Variants in TDO2 observed in about 807,000 individuals in gnomAD.
TDO2 encodes the protein tryptophan 2,3-dioxygenase, also known as tryptamin 2,3-dioxygenase.
TDO2 carries 63 observed loss-of-function variants against 61.2 expected under a neutral mutation model. That is an observed-to-expected ratio of 1.03 (90% CI 0.84 to 1.27). The LOEUF (loss-of-function observed/expected upper bound fraction) is 1.27. TDO2 is among the 50% of genes most tolerant of loss of function. The pLI is 0.00. For missense variants in TDO2, 494 were observed against 469.5 expected (o/e 1.05, Z -0.48); for synonymous variants, 183 against 164.0 (o/e 1.12, Z -0.89).
chr4:155,918,426 C>T (rs1387621136), intron 11 of TDO2, among the ~76,000 whole-genome samples, 187 bp downstream of exon 11: 1 of 152,152 alleles, frequency 6.6e-6, no homozygotes, highest in Admixed American at 6.5e-5. Flanking sequence ...TAATTATGAA[C>T]TTTCACTGTT....
At position 155,915,536 on chromosome 4, in the gene TDO2, T is replaced by C. The variant is rs2110881531; in HGVS notation, c.839-319T>C. Among the ~76,000 whole-genome samples, 2 of 152,322 alleles carry C rather than the reference T, an allele frequency of 1.3e-5. 1 individual carries two copies. The highest frequency in any genetic ancestry group is 4.1e-4 in the South Asian group (2 of 4,828). ...ACTTTTTTGAAATGAAAGACACATATTCTTTTACTCGGAAAATGAATTTTA... is the reference window on the plus strand; with the variant it reads ...ACTTTTTTGAAATGAAAGACACATACTCTTTTACTCGGAAAATGAATTTTA... On this transcript the variant is annotated intron_variant, in intron 8 of 11. Coordinates refer to ENST00000536354, the MANE Select transcript of TDO2 (RefSeq NM_005651.4).
chr4:155,917,537 G>A, intron 10 of TDO2, 63 bp downstream of exon 10: 1 of 1,382,382 alleles, frequency 7.2e-7, no homozygotes, highest in Non-Finnish European at 1.0e-6. Context: ...TCTTTATCTT[G>A]GTCTTCTGTG....
Position 155,904,027 on chromosome 4 carries a change from T to C in TDO2, c.45T>C (p.Phe15=), listed in dbSNP as rs909472691. The change falls in exon 2 of 12, where the codon TTT becomes TTC. Residue 15 remains phenylalanine (F), a synonymous_variant. Coordinates refer to ENST00000536354, the MANE Select transcript of TDO2 (RefSeq NM_005651.4). ...PFLGNNFGYT[F]KKLPVEGSEE... ...TTTATTAAATTTGCAGATATACTTT[T>C]AAAAAACTCCCCGTAGAAGGCAGCG... 1.1e-5 allele frequency: 18 copies of C among 1,613,746 alleles called. No individual in the cohort carries two copies. The highest frequency in any genetic ancestry group is 1.6e-4 in the Middle Eastern group (1 of 6,080).
At chr4:155,913,492 C>T (rs1221081629) in intron 7 of TDO2, among the ~76,000 whole-genome samples, 1 of 152,058 alleles carries the variant, frequency 6.6e-6, no homozygotes, top group Non-Finnish European at 1.5e-5. Flanking sequence ...CTCCTTATTA[C>T]TTTAAGTTAT....
chr4:155,910,265 CTTTT>C, intron 6 of TDO2, 54 bp downstream of exon 6: 1 of 1,400,446 alleles, frequency 7.1e-7, no homozygotes, highest in Non-Finnish European at 9.5e-7. Context: ...CTTAATTTAG[CTTTT>C]GCTAAATCAG....
In TDO2 at chr4:155,904,074, G is replaced by A. The variant is rs768279926; in HGVS notation, c.92G>A (p.Gly31Asp). 1.2e-6 allele frequency: 2 copies of A among 1,614,046 alleles called. No homozygotes were observed. Among genetic ancestry groups the A allele is most frequent in the South Asian group, 2.2e-5 (2 of 91,076 alleles). Reference sequence around the variant, plus strand: ...AGCGAAGAAGACAAATCACAAACTGGTGTGAATAGAGCCAGCAAAGGAGGT... The same window carrying A: ...AGCGAAGAAGACAAATCACAAACTGATGTGAATAGAGCCAGCAAAGGAGGT... Reference protein sequence around the residue: ...EGSEEDKSQTGVNRASKGGLI... With the variant: ...EGSEEDKSQTDVNRASKGGLI... The change falls in exon 2 of 12, where the codon GGT becomes GAT. Residue 31 changes from glycine (G) to aspartate (D), a missense_variant. Gly to Asp is a moderately conservative substitution (Grantham distance 94). Coordinates refer to ENST00000536354, the MANE Select transcript of TDO2 (RefSeq NM_005651.4).
At chr4:155,907,620 A>AC in intron 3 of TDO2, 102 bp from the exon 4 acceptor site, 1 of 736,126 alleles carries the variant, frequency 1.4e-6, no homozygotes, top group Non-Finnish European at 2.3e-6. Flanking sequence ...TTTTAAGGTA[A>AC]CATTTTAATT....
At chr4:155,907,936 G>A in intron 4 of TDO2, 144 bp downstream of exon 4, 1 of 599,402 alleles carries the variant, frequency 1.7e-6, no homozygotes, top group East Asian at 3.0e-5. Context: ...AATGAATGAG[G>A]AGTTCAGTCA....
rs1742769448 is a variant in TDO2 at position 155,908,990 on chromosome 4, C to T, written c.407C>T (p.Thr136Ile). The T allele has an allele frequency of 6.8e-6, 11 of 1,611,732 alleles. No individual in the cohort carries two copies. Among genetic ancestry groups the T allele is most frequent in the Non-Finnish European group, 9.3e-6 (11 of 1,179,336 alleles). The change falls in exon 5 of 12, where the codon ACA becomes ATA. Residue 136 changes from threonine to isoleucine, a missense_variant. Coordinates refer to ENST00000536354, the MANE Select transcript of TDO2 (RefSeq NM_005651.4). The stretch of plus-strand genomic sequence containing the variant: ...CAGTTTTCCATTCTGGAGACGATGA[C>T]AGCCTTGGACTTCAATGACTTCAGG... Reference protein sequence around the residue: ...VQQFSILETMTALDFNDFREY... With the variant: ...VQQFSILETMIALDFNDFREY...
chr4:155,907,601 A>T (rs1742740748), intron 3 of TDO2, 121 bp from the exon 4 acceptor site: 1 of 658,964 alleles, frequency 1.5e-6, no homozygotes, highest in Non-Finnish European at 2.7e-6. Context: ...CTATATTTAC[A>T]TTTATTGATT....
chr4:155,916,981 C>CAAAA (rs781693775), intron 9 of TDO2, among the ~76,000 whole-genome samples: 1 of 146,954 alleles, frequency 6.8e-6, no homozygotes, highest in African/African-American at 2.5e-5. Flanking sequence ...AAAACAACAA[C>CAAAA]AAAAAAAACA....
In TDO2 at chr4:155,911,558, A is replaced by G. The variant is rs778624796; in HGVS notation, c.680A>G (p.Glu227Gly). 3.7e-6 allele frequency: 6 copies of G among 1,602,386 alleles called. No individual in the cohort carries two copies. The East Asian group carries it at 9.1e-5, about 24-fold the overall frequency. ...PHGFNFWGKL[E>G]KNITRGLEEE... is the part of the protein sequence containing the mutation. Reference sequence around the variant, plus strand: ...GGATTTAACTTCTGGGGAAAGCTTGAAAAAAATATCACCAGAGGCCTGGAA... The same window carrying G: ...GGATTTAACTTCTGGGGAAAGCTTGGAAAAAATATCACCAGAGGCCTGGAA... The change falls in exon 7 of 12, where the codon GAA (glutamate) becomes GGA (glycine). Residue 227 changes from glutamate to glycine, a missense_variant. Transcript: ENST00000536354.
intron 9 of TDO2, 43 bp downstream of exon 9, chr4:155,915,955 T>A: frequency 6.6e-7 from 1 of 1,519,810 alleles, no homozygotes; most frequent in Non-Finnish European, 9.0e-7. Context: ...AATTGAGGGG[T>A]GGATATGGAT....
intron 5 of TDO2, 113 bp from the exon 6 acceptor site, chr4:155,909,892 TCCCCTCCCCTCTCCCCTCCC>T (rs2110871407): frequency 2.3e-4 from 1 of 4,276 alleles, no homozygotes; most frequent in Non-Finnish European, 4.4e-4. Context: ...TCCCCTCCCC[TCCCCTCCCCTCTCCCCTCCC>T]CTCCCCTCCC....
At chr4:155,907,572 T>G in intron 3 of TDO2, 150 bp from the exon 4 acceptor site, 1 of 576,680 alleles carries the variant, frequency 1.7e-6, no homozygotes, top group Non-Finnish European at 3.1e-6. Flanking sequence ...CTAACATTTA[T>G]TTCTGGCACA....
At chr4:155,912,744 A>G (rs767526130) in intron 7 of TDO2, among the ~76,000 whole-genome samples, 3 of 152,100 alleles carry the variant, frequency 2.0e-5, no homozygotes, top group Non-Finnish European at 4.4e-5. Context: ...ATTCTCAAAC[A>G]TTTATCTCTG....
At chr4:155,916,537 C>G (rs920060251) in intron 9 of TDO2, among the ~76,000 whole-genome samples, 1 of 151,820 alleles carries the variant, frequency 6.6e-6, no homozygotes. Flanking sequence ...TATCATTAAA[C>G]AATGCTCTAA....
chr4:155,913,770 T>C (rs1042777259), intron 7 of TDO2, among the ~76,000 whole-genome samples: 1 of 152,114 alleles, frequency 6.6e-6, no homozygotes, highest in Non-Finnish European at 1.5e-5. Flanking sequence ...GCTCAATTAA[T>C]TGGCTTATAA....
chr4:155,911,478 A>C lies in TDO2; in HGVS notation c.619-19A>C, dbSNP rs1579328384. Reference sequence around the variant, plus strand: ...ATAATTTTACCATGTACTCACTTAAAAAATAATGTTTATTTAAGGCATGGC... The same window carrying C: ...ATAATTTTACCATGTACTCACTTAACAAATAATGTTTATTTAAGGCATGGC... On this transcript the variant is annotated intron_variant, in intron 6 of 11. Coordinates refer to ENST00000536354, the MANE Select transcript of TDO2 (RefSeq NM_005651.4). 2 of 1,591,676 alleles carry C rather than the reference A, an allele frequency of 1.3e-6. No individual in the cohort carries two copies. Among genetic ancestry groups the C allele is most frequent in the African/African-American group, 1.3e-5 (1 of 74,412 alleles).
Sources: gnomAD v4.1 joint callset for allele counts (sites outside exome capture counted in the v4.1 genomes callset) on GRCh38, gnomAD v4.1.1 for gene constraint, MANE v1.5 for transcripts, NCBI Gene and HGNC (gene_info 2026-07-23, HGNC 2026-07-21) for gene names.